ANXA2: variants seen among roughly 807,000 people sequenced by gnomAD.
ANXA2 encodes annexin II.
A neutral mutation model predicts 47.3 loss-of-function variants in ANXA2; 28 were observed. The ratio of observed to expected loss-of-function variants is 0.59; its 90% CI spans 0.44 to 0.81. The LOEUF (loss-of-function observed/expected upper bound fraction) is 0.81. Ranked by LOEUF, ANXA2 falls within the 40% of genes least tolerant of loss-of-function variation. ANXA2 has a pLI of 0.00. For synonymous variants in ANXA2, 172 were observed against 155.5 expected (o/e 1.11, Z -0.79); for missense variants, 384 against 414.3 (o/e 0.93, Z 0.64).
chr15:60,372,236 T>A (rs1009997837), intron 3 of ANXA2, among the ~76,000 whole-genome samples: 2 of 152,132 alleles, frequency 1.3e-5, no homozygotes, highest in Non-Finnish European at 1.5e-5. Context: ...TTCTATCACG[T>A]ACTTCTCACC....
At chr15:60,388,666 C>T (rs1595708375) in intron 1 of ANXA2, among the ~76,000 whole-genome samples, 2 of 148,108 alleles carry the variant, frequency 1.4e-5, no homozygotes, top group African/African-American at 5.0e-5. Context: ...AATTCCTGGG[C>T]TCAAGCAATC....
Position 60,364,535 on chromosome 15 carries a change from C to A in ANXA2, c.149-12G>T. 2 of 1,602,808 alleles carry A rather than the reference C, an allele frequency of 1.2e-6. No individual in the cohort carries two copies. Among genetic ancestry groups the A allele is most frequent in the Middle Eastern group, 1.7e-4 (1 of 6,024 alleles). Reference sequence around the variant, plus strand: ...GACCTCATCCACACCTATGGAAATACAAGTTGTTAATCGTTACTCAGTATA... The same window carrying A: ...GACCTCATCCACACCTATGGAAATAAAAGTTGTTAATCGTTACTCAGTATA... On this transcript the variant is annotated splice_polypyrimidine_tract_variant and intron_variant, in intron 3 of 12. Coordinates refer to ENST00000451270, the MANE Select transcript of ANXA2 (RefSeq NM_004039.3).
chr15:60,359,482 T>C (rs866493729), intron 5 of ANXA2, among the ~76,000 whole-genome samples: 7 of 152,208 alleles, frequency 4.6e-5, no homozygotes, highest in Admixed American at 2.6e-4. Flanking sequence ...ATTTTATCAT[T>C]CTTAATGACG....
chr15:60,384,478 G>T (rs533536254), intron 2 of ANXA2: 1 of 152,262 alleles, frequency 6.6e-6, no homozygotes, highest in East Asian at 1.9e-4. Context: ...GGGAACATGT[G>T]ACATTTTCTA....
At chr15:60,351,336 A>G in intron 10 of ANXA2, 85 bp from the exon 11 acceptor site, 1 of 1,396,640 alleles carries the variant, frequency 7.2e-7, no homozygotes, top group Non-Finnish European at 1.0e-6. Context: ...GCCCTGGGCC[A>G]CAAACCAGAA....
intron 2 of ANXA2, chr15:60,384,403 T>C (rs2062905815): frequency 1.3e-5 from 2 of 152,236 alleles, no homozygotes; most frequent in South Asian, 2.1e-4. Context: ...CTATTACCTA[T>C]AAAATCCACT....
intron 1 of ANXA2, 124 bp downstream of exon 1, chr15:60,397,819 G>C: frequency 7.4e-7 from 1 of 1,350,906 alleles, no homozygotes; most frequent in Non-Finnish European, 9.5e-7. Context: ...TCAGCCCCCT[G>C]CCCCCGACGG....
At chr15:60,360,413 T>C (rs2062496040) in intron 5 of ANXA2, among the ~76,000 whole-genome samples, 1 of 152,190 alleles carries the variant, frequency 6.6e-6, no homozygotes, top group African/African-American at 2.4e-5. Flanking sequence ...GCATTGAGAC[T>C]TCACAGTTAC....
chr15:60,350,400 G>A (rs1468320303), intron 11 of ANXA2, among the ~76,000 whole-genome samples: 1 of 152,094 alleles, frequency 6.6e-6, no homozygotes, highest in Non-Finnish European at 1.5e-5. Flanking sequence ...GAGGGAACAT[G>A]CCAACACATT....
At chr15:60,350,526 C>G (rs577662210) in intron 11 of ANXA2, among the ~76,000 whole-genome samples, 197 of 152,280 alleles carry the variant, frequency 1.3e-3, no homozygotes, top group African/African-American at 4.6e-3. Context: ...AACTCAAAGA[C>G]AGATGGCAGA....
At chr15:60,369,962 C>T (rs138367958) in intron 3 of ANXA2, among the ~76,000 whole-genome samples, 2,072 of 152,270 alleles carry the variant, frequency 0.014, 45 homozygotes, top group African/African-American at 0.047. Context: ...TCTTAGCCAA[C>T]GACACAGCTT....
In ANXA2 at chr15:60,397,894, C is replaced by T. The variant is rs201864760; in HGVS notation, c.-12+49G>A. ...ACCCTTCTTCCCAGCGTCTCCACAC[C>T]CCGCTAGCTGGCGGCCCATCGCGGG... On this transcript the variant is annotated intron_variant, in intron 1 of 12. Transcript: ENST00000451270. 856 of 1,354,848 alleles carry T rather than the reference C, an allele frequency of 6.3e-4. 5 individuals are homozygous for T. Among genetic ancestry groups the T allele is most frequent in the Non-Finnish European group, 6.5e-4 (680 of 1,053,140 alleles). The allele number at this position is 1,354,848 out of a possible 1,614,324, so 83.9% of individuals were successfully genotyped here.
intron 1 of ANXA2, chr15:60,390,292 T>C (rs2140934095): frequency 9.6e-7 from 1 of 1,046,274 alleles, no homozygotes. Context: ...CTACTTCATG[T>C]GAGTTTAATG....
Position 60,382,454 on chromosome 15 carries a change from G to GATAA in ANXA2, c.49-17_49-14dup, listed in dbSNP as rs1288078904. The GATAA allele has an allele frequency of 6.4e-7, 1 of 1,558,222 alleles. No homozygotes were observed. The highest frequency in any genetic ancestry group is 1.7e-5 in the Admixed American group (1 of 59,344). On this transcript the variant is annotated splice_polypyrimidine_tract_variant and intron_variant, in intron 2 of 12. Transcript: ENST00000451270. ...GGGGTGTAGAGTGCTGAGGTTAAAA[G>GATAA]ATAAACATACTCAAATGACACACAT...
intron 3 of ANXA2, among the ~76,000 whole-genome samples, chr15:60,365,874 C>T (rs1403155238): frequency 5.0e-5 from 7 of 140,010 alleles, no homozygotes; most frequent in African/African-American, 1.9e-4. Context: ...CTCCCTCTCC[C>T]TCCACGGTCT....
intron 1 of ANXA2, among the ~76,000 whole-genome samples, chr15:60,387,764 C>G (rs2062952958): frequency 6.6e-6 from 1 of 152,176 alleles, no homozygotes; most frequent in African/African-American, 2.4e-5. Flanking sequence ...GTAGGTTCAT[C>G]AGTTCTAACA....
At chr15:60,390,080 A>T in intron 1 of ANXA2, 1 of 168,994 alleles carries the variant, frequency 5.9e-6, no homozygotes, top group Non-Finnish European at 1.2e-5. Flanking sequence ...GATTATCTTT[A>T]CATAATGCAG....
Position 60,360,960 on chromosome 15 carries a change from T to G in ANXA2, c.338A>C (p.Glu113Ala). 6.2e-7 allele frequency: 1 copy of G among 1,610,936 alleles called. No individual in the cohort carries two copies. Residue 113 changes from glutamate (E) to alanine (A), a missense_variant, in exon 5 of 13, where the codon GAG becomes GCG. By Grantham distance (107) the Glu-to-Ala change is moderately radical. Coordinates refer to ENST00000451270, the MANE Select transcript of ANXA2 (RefSeq NM_004039.3). ...LKTPAQYDAS[E>A]LKASMKGLGT... ...ATTTACCTTCATGGAAGCTTTTAGC[T>G]CAGAAGCGTCATACTGAGCAGGTGT...
intron 3 of ANXA2, among the ~76,000 whole-genome samples, chr15:60,370,040 G>C (rs1240815676): frequency 6.6e-6 from 1 of 152,154 alleles, no homozygotes; most frequent in African/African-American, 2.4e-5. Context: ...AATTATCGGA[G>C]ATCCCCATAA....
Sources: gnomAD v4.1 joint callset for allele counts (sites outside exome capture counted in the v4.1 genomes callset) on GRCh38, gnomAD v4.1.1 for gene constraint, MANE v1.5 for transcripts, NCBI Gene and HGNC (gene_info 2026-07-23, HGNC 2026-07-21) for gene names.